PRKAR2B: variants seen among roughly 807,000 people sequenced by gnomAD.
PRKAR2B encodes the protein cAMP-dependent protein kinase type II-beta regulatory subunit.
In PRKAR2B, 14 loss-of-function variants were observed where a neutral mutation model predicts 49.9. The observed-to-expected ratio is 0.28, with a 90% CI of 0.19 to 0.44. The LOEUF is 0.44. Among genes scored for constraint, PRKAR2B ranks in the 20% least tolerant of loss-of-function variants. The pLI is 1.00. For missense variants in PRKAR2B, 393 were observed against 537.9 expected, an observed-to-expected ratio of 0.73 and a Z score of 2.67; for synonymous variants, 196 against 197.7, an observed-to-expected ratio of 0.99 and a Z score of 0.07.
chr7:107,090,176 G>A (rs1032089564), intron 2 of PRKAR2B, among the ~76,000 whole-genome samples: 20 of 152,214 alleles, frequency 1.3e-4, no homozygotes, highest in African/African-American at 4.1e-4. Context: ...CACAGCAAGG[G>A]TAGGGGTGCA....
At chr7:107,122,139 C>G (rs1052847327) in intron 3 of PRKAR2B, 135 bp downstream of exon 3, 5 of 492,182 alleles carry the variant, frequency 1.0e-5, no homozygotes, top group Non-Finnish European at 1.8e-5. Context: ...GTTTCTTTTC[C>G]TAGTCTCATC....
At chr7:107,111,330 C>T (rs768187633) in intron 2 of PRKAR2B, among the ~76,000 whole-genome samples, 1 of 152,158 alleles carries the variant, frequency 6.6e-6, no homozygotes, top group Non-Finnish European at 1.5e-5. Context: ...CTTGGGAGCT[C>T]GCCACCATGA....
chr7:107,109,558 G>A (rs1302744074), intron 2 of PRKAR2B, among the ~76,000 whole-genome samples: 1 of 151,898 alleles, frequency 6.6e-6, no homozygotes, highest in Non-Finnish European at 1.5e-5. Flanking sequence ...CACTGTGCTT[G>A]GCCTACATTC....
chr7:107,125,203 C>G (rs1422929532), intron 3 of PRKAR2B, among the ~76,000 whole-genome samples: 1 of 152,122 alleles, frequency 6.6e-6, no homozygotes, highest in Non-Finnish European at 1.5e-5. Context: ...GACTCTGTAG[C>G]TGGCCTGGCT....
intron 1 of PRKAR2B, among the ~76,000 whole-genome samples, chr7:107,055,941 G>A (rs1330457307): frequency 2.0e-5 from 3 of 152,060 alleles, no homozygotes; most frequent in African/African-American, 7.3e-5. Flanking sequence ...GGGTTTTTAT[G>A]GTTTTAGGTC....
intron 2 of PRKAR2B, among the ~76,000 whole-genome samples, chr7:107,082,878 C>T (rs2707373): frequency 0.16 from 23,741 of 152,048 alleles, 3,001 homozygotes; most frequent in African/African-American, 0.34. Context: ...GGGATTACAG[C>T]TGTGAGCCAC....
intron 1 of PRKAR2B, among the ~76,000 whole-genome samples, chr7:107,053,523 A>AGT (rs1793849486): frequency 8.4e-6 from 1 of 118,364 alleles, no homozygotes; most frequent in Non-Finnish European, 1.7e-5. Context: ...TAGATTATAA[A>AGT]GAGTGTGTGT....
chr7:107,148,919 G>A (rs1795939179), intron 6 of PRKAR2B, among the ~76,000 whole-genome samples: 1 of 152,232 alleles, frequency 6.6e-6, no homozygotes, highest in Non-Finnish European at 1.5e-5. Context: ...CAGTGGGTGT[G>A]AAGAGGTAGG....
At position 107,146,563 on chromosome 7, in the gene PRKAR2B, G is replaced by T. The variant is rs1795898942; in HGVS notation, c.741+102G>T. 5 of 1,284,290 alleles carry T rather than the reference G, an allele frequency of 3.9e-6. No individual in the cohort carries two copies. In the South Asian group the frequency reaches 5.9e-5, roughly 15 times the overall value. 79.6% of individuals were successfully genotyped at this position (1,284,290 alleles called of 1,614,324 possible). A position where few individuals can be genotyped will look rare whatever the true frequency, so the allele number is the denominator to read the frequency against. On this transcript the variant is annotated intron_variant, in intron 6 of 10. Coordinates refer to ENST00000265717, the MANE Select transcript of PRKAR2B (RefSeq NM_002736.3). Reference sequence around the variant, plus strand: ...TAGTATTTTAATTTAAAGATCATCAGTCATCAGGTAATTTATTAAGCAGCC... The same window carrying T: ...TAGTATTTTAATTTAAAGATCATCATTCATCAGGTAATTTATTAAGCAGCC...
chr7:107,130,761 T>C (rs1287894012), intron 4 of PRKAR2B, among the ~76,000 whole-genome samples: 1 of 152,198 alleles, frequency 6.6e-6, no homozygotes, highest in Non-Finnish European at 1.5e-5. Context: ...GGATCCCATG[T>C]TCTCTAAGGC....
intron 4 of PRKAR2B, among the ~76,000 whole-genome samples, chr7:107,139,255 C>G (rs1795751089): frequency 6.6e-6 from 1 of 152,186 alleles, no homozygotes. Flanking sequence ...GCCTGTCAAC[C>G]AGTGCACTGT....
intron 2 of PRKAR2B, among the ~76,000 whole-genome samples, chr7:107,089,303 T>G (rs190546198): frequency 2.0e-5 from 3 of 152,358 alleles, no homozygotes; most frequent in African/African-American, 7.2e-5. Context: ...CTTCAGGCTC[T>G]CTGAATTCTG....
chr7:107,159,792 A>AT lies in PRKAR2B; in HGVS notation c.*211dup, dbSNP rs758388902. ...AAGAGTAGTTCATAAAAAAATCAAC[A>AT]TACTGATAAAATGACTTTGTACTCC... is the stretch of plus-strand genomic sequence containing the variant. On this transcript the variant is annotated 3_prime_UTR_variant, in exon 11 of 11. Coordinates refer to ENST00000265717, the MANE Select transcript of PRKAR2B (RefSeq NM_002736.3). The AT allele has an allele frequency of 2.2e-5, 10 of 461,844 alleles. No homozygotes were observed. Among genetic ancestry groups the AT allele is most frequent in the African/African-American group, 5.9e-5 (3 of 50,492 alleles). The allele number at this position is 461,844 out of a possible 1,614,324, so 28.6% of individuals were successfully genotyped here. A position where few individuals can be genotyped will look rare whatever the true frequency, so the allele number is the denominator to read the frequency against.
chr7:107,132,205 C>G (rs999438532), intron 4 of PRKAR2B, among the ~76,000 whole-genome samples: 2 of 152,174 alleles, frequency 1.3e-5, no homozygotes, highest in East Asian at 3.8e-4. Context: ...AATGTTATCA[C>G]TAGAGCCTAA....
At chr7:107,140,472 T>C (rs933358414) in intron 4 of PRKAR2B, among the ~76,000 whole-genome samples, 5 of 152,200 alleles carry the variant, frequency 3.3e-5, no homozygotes. Context: ...AAGGAAGTTT[T>C]TAAAAATGGG....
At chr7:107,064,487 A>G (rs1189363007) in intron 1 of PRKAR2B, among the ~76,000 whole-genome samples, 4 of 152,168 alleles carry the variant, frequency 2.6e-5, no homozygotes, top group African/African-American at 7.2e-5. Flanking sequence ...TCTTTGCTGT[A>G]TAATCAAAAA....
chr7:107,130,852 T>C (rs1255201256), intron 4 of PRKAR2B, among the ~76,000 whole-genome samples: 4 of 152,184 alleles, frequency 2.6e-5, no homozygotes, highest in African/African-American at 9.6e-5. Flanking sequence ...CTTTTACACT[T>C]AGAGGTAGGC....
At chr7:107,068,253 A>G (rs1232219239) in intron 1 of PRKAR2B, among the ~76,000 whole-genome samples, 2 of 152,154 alleles carry the variant, frequency 1.3e-5, no homozygotes, top group South Asian at 2.1e-4. Context: ...CTGTGGCTTC[A>G]TCGTCTAAAG....
chr7:107,110,709 G>A (rs1795155454), intron 2 of PRKAR2B, among the ~76,000 whole-genome samples: 1 of 151,934 alleles, frequency 6.6e-6, no homozygotes, highest in Admixed American at 6.6e-5. Flanking sequence ...CCCAGTACTG[G>A]CAGGACCCAT....
Sources: gnomAD v4.1 joint callset for allele counts (sites outside exome capture counted in the v4.1 genomes callset) on GRCh38, gnomAD v4.1.1 for gene constraint, MANE v1.5 for transcripts, NCBI Gene and HGNC (gene_info 2026-07-23, HGNC 2026-07-21) for gene names.